Variants in ZAN observed in about 807,000 individuals in gnomAD.
ZAN encodes zonadhesin (gene/pseudogene).
In ZAN, 260 loss-of-function variants were observed where a neutral mutation model predicts 286.2. That is an observed-to-expected ratio of 0.91 (90% confidence interval 0.82 to 1.01). The LOEUF (loss-of-function observed/expected upper bound fraction) is 1.01, where lower values mean the gene tolerates loss of function less well. ZAN is among the 50% of genes least tolerant of loss of function. The pLI is 0.00. For synonymous variants in ZAN, 1,368 were observed against 1,417.5 expected (o/e 0.97, Z 0.79); for missense variants, 3,410 against 3,639.2 (o/e 0.94, Z 1.62).
intron 42 of ZAN, among the ~76,000 whole-genome samples, chr7:100,792,990 AAAAAAAAGAAAG>A (rs1584637893): frequency 7.0e-6 from 1 of 141,876 alleles, no homozygotes; most frequent in Admixed American, 7.2e-5. Context: ...CTCAAAAAAA[AAAAAAAAGAAAG>A]AAAGAAAGAA....
At chr7:100,766,395 AG>A (rs1809973928) in intron 23 of ZAN, 129 bp from the exon 24 acceptor site, 1 of 1,170,580 alleles carries the variant, frequency 8.5e-7, no homozygotes, top group East Asian at 2.7e-5. Context: ...AGCTTCAGGA[AG>A]AGAGGATGTC....
Position 100,750,746 on chromosome 7 carries a change from T to C in ZAN, c.1371T>C (p.Tyr457=), listed in dbSNP as rs770023697. The change falls in exon 12 of 48, where the codon TAT becomes TAC. Residue 457 remains tyrosine, a synonymous_variant. Coordinates refer to ENST00000613979, the MANE Select transcript of ZAN (RefSeq NM_003386.3). Reference sequence around the variant, plus strand: ...GCGTGGAGTTCGCATACCACATGTATGGCCTTGGGGAGGGTACTATGCTCG... The same window carrying C: ...GCGTGGAGTTCGCATACCACATGTACGGCCTTGGGGAGGGTACTATGCTCG... The part of the protein sequence containing the change: ...DICVEFAYHM[Y]GLGEGTMLEL... 3.1e-6 allele frequency: 5 copies of C among 1,613,262 alleles called. No individual in the cohort carries two copies. Among genetic ancestry groups the C allele is most frequent in the Non-Finnish European group, 2.5e-6 (3 of 1,179,648 alleles).
intron 15 of ZAN, among the ~76,000 whole-genome samples, chr7:100,756,029 A>G (rs1809121764): frequency 6.6e-6 from 1 of 152,184 alleles, no homozygotes; most frequent in Non-Finnish European, 1.5e-5. Flanking sequence ...AGCTGGGATA[A>G]CAGGCTCACG....
chr7:100,793,625 A>T (rs1467372770), intron 42 of ZAN, among the ~76,000 whole-genome samples, 195 bp from the exon 43 acceptor site: 1 of 151,968 alleles, frequency 6.6e-6, no homozygotes, highest in African/African-American at 2.4e-5. Flanking sequence ...TTTAGCAGAG[A>T]TGGGGTTTCA....
rs762507716 is a variant in ZAN at position 100,752,167 on chromosome 7, A to T, written c.2062A>T (p.Lys688Ter). 1.9e-6 allele frequency: 3 copies of T among 1,611,948 alleles called. No homozygotes were observed. Among genetic ancestry groups the T allele is most frequent in the Non-Finnish European group, 2.5e-6 (3 of 1,179,560 alleles). ...AGAAAAACCCAGCATCCCTACAGAA[A>T]AACCCAGCATCCCCACGGAAAAACC... ...PTEKPSIPTEKPSIPTEKPTI... is the reference protein window; with the variant it reads ...PTEKPSIPTE Residue 688 changes from lysine (K) to a stop codon, truncating the protein, a stop_gained, in exon 14 of 48, where the codon AAA becomes TAA. Coordinates refer to ENST00000613979, the MANE Select transcript of ZAN (RefSeq NM_003386.3). LOFTEE classifies it high-confidence loss of function.
intron 7 of ZAN, 58 bp from the exon 8 acceptor site, chr7:100,746,480 C>A: frequency 6.3e-7 from 1 of 1,593,292 alleles, no homozygotes; most frequent in Admixed American, 1.7e-5. Flanking sequence ...GGCCCTATCT[C>A]TGCTGCCATC....
intron 7 of ZAN, among the ~76,000 whole-genome samples, chr7:100,745,664 T>TTGCTTGAGGCCAGGAGTTCAAGACCA (rs1394857389): frequency 1.3e-5 from 2 of 151,482 alleles, no homozygotes; most frequent in Non-Finnish European, 2.9e-5. Context: ...GGCGGGAGGA[T>TTGCTTGAGGCCAGGAGTTCAAGACCA]TGCTTGAGGC....
At chr7:100,761,204 T>C (rs540938555) in intron 19 of ZAN, among the ~76,000 whole-genome samples, 54 of 152,278 alleles carry the variant, frequency 3.5e-4, no homozygotes, top group African/African-American at 1.3e-3. Context: ...AGAAAGACTT[T>C]ATAAAAATAC....
chr7:100,746,722 G>A lies in ZAN; in HGVS notation c.931+20G>A. On this transcript the variant is annotated intron_variant, in intron 8 of 47. Transcript: ENST00000613979. Reference sequence around the variant, plus strand: ...TCTTGGGTTAGAGCGGAGAATTAATGGGATTTACACTGATCTGGGCGCATC... The same window carrying A: ...TCTTGGGTTAGAGCGGAGAATTAATAGGATTTACACTGATCTGGGCGCATC... The A allele has an allele frequency of 6.2e-7, 1 of 1,613,440 alleles. No homozygotes were observed. The highest frequency in any genetic ancestry group is 8.5e-7 in the Non-Finnish European group (1 of 1,179,620).
At position 100,752,328 on chromosome 7, in the gene ZAN, C is replaced by G. The variant is rs760454259; in HGVS notation, c.2223C>G (p.Pro741=). 6.4e-7 allele frequency: 1 copy of G among 1,566,938 alleles called. No homozygotes were observed. The highest frequency in any genetic ancestry group is 8.7e-7 in the Non-Finnish European group (1 of 1,152,336). ...STISPEKPTT[P]TEKPTIPTEK... ...TCTCCCCAGAAAAACCCACCACCCC[C>G]ACAGAAAAACCCACCATCCCCACAG... is the stretch of plus-strand genomic sequence containing the variant. Residue 741 remains proline (P), a synonymous_variant, in exon 14 of 48, where the codon CCC becomes CCG. Transcript: ENST00000613979.
Position 100,775,345 on chromosome 7 carries a change from C to G in ZAN, c.5797C>G (p.Leu1933Val), listed in dbSNP as rs1211719931. The change falls in exon 32 of 48, where the codon CTC becomes GTC. Residue 1933 changes from leucine (L) to valine (V), a missense_variant. Leu to Val is a conservative substitution (Grantham distance 32, BLOSUM62 1). Around this residue, in one of 7 missense-constraint regions of ZAN, gnomAD observed 1,289 missense variants for 1,314.3 expected, o/e 0.98. Coordinates refer to ENST00000613979, the MANE Select transcript of ZAN (RefSeq NM_003386.3). ...CRASGVGVCQLPGESHYVSFD... is the reference protein window; with the variant it reads ...CRASGVGVCQVPGESHYVSFD... The stretch of plus-strand genomic sequence containing the variant: ...CCTCCCAGGTGTGGGAGTGTGTCAG[C>G]TCCCAGGGGAGTCCCACTACGTGAG... 2 of 1,613,150 alleles carry G rather than the reference C, an allele frequency of 1.2e-6. No homozygotes were observed. The highest frequency in any genetic ancestry group is 1.7e-6 in the Non-Finnish European group (2 of 1,179,662).
At chr7:100,776,318 A>T in intron 33 of ZAN, 122 bp from the exon 34 acceptor site, 1 of 1,270,490 alleles carries the variant, frequency 7.9e-7, no homozygotes, top group Non-Finnish European at 1.0e-6. Context: ...AACTTGAAGG[A>T]AGGGAGGGAG....
intron 42 of ZAN, among the ~76,000 whole-genome samples, chr7:100,792,856 A>G (rs1317641002): frequency 1.3e-5 from 2 of 151,734 alleles, no homozygotes; most frequent in African/African-American, 4.8e-5. Context: ...TCACACCTGT[A>G]ATCCCAGTGC....
In ZAN at chr7:100,755,294, A is replaced by G; in HGVS notation, c.3193A>G (p.Ser1065Gly). The change falls in exon 15 of 48, where the codon AGC becomes GGC. Residue 1065 changes from serine (S) to glycine (G), a missense_variant. Ser to Gly is a moderately conservative substitution (Grantham distance 56). Around this residue, in one of 7 missense-constraint regions of ZAN, gnomAD observed 1,042 missense variants for 1,058.0 expected, o/e 0.98. Coordinates refer to ENST00000613979, the MANE Select transcript of ZAN (RefSeq NM_003386.3). Reference protein sequence around the residue: ...CPASCKSPRPSCGPLCREGCV... With the variant: ...CPASCKSPRPGCGPLCREGCV... ...TGCTTCGTGCAAGAGCCCCAGGCCT[A>G]GCTGTGGGCCCCTCTGTCGGGAGGG... 1 of 1,613,888 alleles carries G rather than the reference A, an allele frequency of 6.2e-7. No individual in the cohort carries two copies. The highest frequency in any genetic ancestry group is 8.5e-7 in the Non-Finnish European group (1 of 1,179,868).
At chr7:100,760,627 C>A in intron 19 of ZAN, 91 bp downstream of exon 19, 2 of 1,516,424 alleles carry the variant, frequency 1.3e-6, no homozygotes, top group Non-Finnish European at 1.8e-6. Flanking sequence ...TGCCCACTCC[C>A]CTTCCATCCC....
rs1472792283 is a variant in ZAN at position 100,773,329 on chromosome 7, C to T, written c.5470C>T (p.Pro1824Ser). 4 of 1,613,848 alleles carry T rather than the reference C, an allele frequency of 2.5e-6. No individual in the cohort carries two copies. Among genetic ancestry groups the T allele is most frequent in the Admixed American group, 3.3e-5 (2 of 59,994 alleles). Residue 1824 changes from proline (P) to serine (S), a missense_variant, in exon 30 of 48, where the codon CCC becomes TCC. Around this residue, in one of 7 missense-constraint regions of ZAN, gnomAD observed 1,289 missense variants for 1,314.3 expected, o/e 0.98. Coordinates refer to ENST00000613979, the MANE Select transcript of ZAN (RefSeq NM_003386.3). ...PGSSYSPCSSPCPDTCSSINN... is the reference protein window; with the variant it reads ...PGSSYSPCSSSCPDTCSSINN... The stretch of plus-strand genomic sequence containing the variant: ...CAGCAGCTACAGCCCCTGCAGCAGC[C>T]CCTGCCCAGACACCTGCAGCAGCAT...
chr7:100,785,853 T>G, intron 36 of ZAN, 144 bp from the exon 37 acceptor site: 2 of 1,059,012 alleles, frequency 1.9e-6, no homozygotes, highest in Non-Finnish European at 2.7e-6. Flanking sequence ...GAGACAGGGT[T>G]TCACCATGTT....
chr7:100,768,012 G>T lies in ZAN; in HGVS notation c.5041+1G>T. 6.2e-7 allele frequency: 1 copy of T among 1,609,944 alleles called. No homozygotes were observed. The highest frequency in any genetic ancestry group is 8.5e-7 in the Non-Finnish European group (1 of 1,177,798). On this transcript the variant is annotated splice_donor_variant, in intron 26 of 47. Coordinates refer to ENST00000613979, the MANE Select transcript of ZAN (RefSeq NM_003386.3). LOFTEE classifies it high-confidence loss of function. Reference sequence around the variant, plus strand: ...GGCGGCCAGCTCTGTGGGCTGTGTGGTGAGTTTCCTGGGCACCTGCGGGGA... The same window carrying T: ...GGCGGCCAGCTCTGTGGGCTGTGTGTTGAGTTTCCTGGGCACCTGCGGGGA...
chr7:100,755,995 A>G (rs983501609), intron 15 of ZAN, among the ~76,000 whole-genome samples: 6 of 152,048 alleles, frequency 3.9e-5, no homozygotes, highest in Non-Finnish European at 7.4e-5. Flanking sequence ...GGTTCAAGCA[A>G]TTCTCTGCCT....
Sources: allele counts gnomAD v4.1 joint callset (sites outside exome capture counted in the v4.1 genomes callset), GRCh38; gene constraint gnomAD v4.1.1; regional missense constraint gnomAD v4.1.1; transcripts MANE v1.5; gene names NCBI Gene and HGNC (gene_info 2026-07-23, HGNC 2026-07-21).